TENM1: variants seen among roughly 807,000 people sequenced by gnomAD.
TENM1 encodes the protein teneurin-1.
Under a neutral mutation model 174.8 loss-of-function variants are expected in TENM1, and 35 were observed. The observed-to-expected ratio is 0.20, with a 90% CI of 0.15 to 0.27. The LOEUF is 0.27. Among genes scored for constraint, TENM1 ranks in the 10% least tolerant of loss-of-function variants. The probability of loss-of-function intolerance (pLI) is 1.00; values close to 1 mark genes in which losing one functional copy is unlikely to be tolerated. For missense variants in TENM1, 1,633 were observed against 2,130.1 expected, an observed-to-expected ratio of 0.77 and a Z score of 4.59; for synonymous variants, 781 against 798.7, an observed-to-expected ratio of 0.98 and a Z score of 0.37.
the TENM1 span, among the ~76,000 whole-genome samples, chrX:125,028,921 C>T: frequency 2.7e-5 from 3 of 111,692 alleles, no homozygotes; most frequent in Non-Finnish European, 5.6e-5. Context: ...CTAGATTTGA[C>T]ATAACTTAGT....
intron 5 of TENM1, among the ~76,000 whole-genome samples, chrX:124,682,329 A>C (rs1184375441): frequency 1.8e-5 from 2 of 111,660 alleles, no homozygotes; most frequent in Non-Finnish European, 3.8e-5. Context: ...TATAAAGGTT[A>C]GCATAAAGCA....
the TENM1 span, among the ~76,000 whole-genome samples, chrX:125,072,419 G>A: frequency 5.4e-5 from 6 of 111,529 alleles, no homozygotes; most frequent in East Asian, 1.1e-3. Flanking sequence ...GTAATTTGTC[G>A]GTAATTTATA....
intron 11 of TENM1, among the ~76,000 whole-genome samples, chrX:124,606,760 A>G (rs902730929): frequency 1.1e-4 from 12 of 111,928 alleles, no homozygotes; most frequent in African/African-American, 3.9e-4. Context: ...CTGATATACT[A>G]ATTATGTCAT....
At chrX:125,163,388 T>C in the TENM1 span, among the ~76,000 whole-genome samples, 1 of 110,447 alleles carries the variant, frequency 9.1e-6, no homozygotes, top group Admixed American at 9.8e-5. Flanking sequence ...TAGTAAATAA[T>C]CAAGACAAAT....
At chrX:124,485,044 G>A (rs1316711254) in intron 21 of TENM1, among the ~76,000 whole-genome samples, 6 of 111,261 alleles carry the variant, frequency 5.4e-5, no homozygotes, top group Non-Finnish European at 7.5e-5. Flanking sequence ...ATGGAGGGGA[G>A]AGGGTGGTGA....
At chrX:125,020,175 A>G in the TENM1 span, among the ~76,000 whole-genome samples, 1 of 111,013 alleles carries the variant, frequency 9.0e-6, no homozygotes, top group African/African-American at 3.3e-5. Flanking sequence ...TGTTTATCAC[A>G]TAGAATTTTT....
intron 3 of TENM1, among the ~76,000 whole-genome samples, chrX:124,865,489 A>C (rs1278063738): frequency 8.9e-6 from 1 of 111,826 alleles, no homozygotes; most frequent in Non-Finnish European, 1.9e-5. Flanking sequence ...CAAGCCTCAT[A>C]GTAACCTCAA....
At chrX:125,074,260 CTT>C in the TENM1 span, among the ~76,000 whole-genome samples, 3 of 102,633 alleles carry the variant, frequency 2.9e-5, no homozygotes, top group Admixed American at 1.1e-4. Context: ...ATTTTTCTTT[CTT>C]TTTTTTTTTT....
chrX:124,384,387 C>T, exon 30 of TENM1: 2 of 1,211,027 alleles, frequency 1.7e-6, no homozygotes, highest in Non-Finnish European at 2.2e-6. Context: ...CCATTCAGAT[C>T]GTAACTATAA....
chrX:125,182,388 A>T, the TENM1 span, among the ~76,000 whole-genome samples: 1 of 94,236 alleles, frequency 1.1e-5, no homozygotes, highest in African/African-American at 3.9e-5. Flanking sequence ...CCTCTTTGTC[A>T]TGTTCACATG....
intron 19 of TENM1, among the ~76,000 whole-genome samples, chrX:124,498,634 T>C (rs1051827395): frequency 2.8e-5 from 3 of 108,655 alleles, no homozygotes; most frequent in African/African-American, 1.0e-4. Flanking sequence ...TCTTGTCTGC[T>C]TGGGGAGGTT....
intron 5 of TENM1, among the ~76,000 whole-genome samples, chrX:124,681,327 TGAG>T (rs1181020969): frequency 9.0e-6 from 1 of 111,452 alleles, no homozygotes; most frequent in Non-Finnish European, 1.9e-5. Context: ...TGTGAACAGA[TGAG>T]GAGGTAGAGA....
At chrX:124,549,119 G>A (rs1253717346) in intron 14 of TENM1, among the ~76,000 whole-genome samples, 2 of 111,266 alleles carry the variant, frequency 1.8e-5, no homozygotes. Flanking sequence ...AGATTTTTTA[G>A]GGATTTTAGA....
At chrX:124,521,674 A>G (rs892442421) in intron 17 of TENM1, among the ~76,000 whole-genome samples, 1 of 112,493 alleles carries the variant, frequency 8.9e-6, no homozygotes, top group African/African-American at 3.2e-5. Context: ...CTGAAGAAAA[A>G]GCCCATCCTA....
chrX:124,459,862 TAAAC>T (rs1335077641), intron 22 of TENM1, among the ~76,000 whole-genome samples: 16 of 110,981 alleles, frequency 1.4e-4, no homozygotes, highest in African/African-American at 4.9e-4. Context: ...ATAAGGAACT[TAAAC>T]AAATTTACAA....
At chrX:124,405,075 C>T in exon 27 of TENM1, 2 of 1,211,548 alleles carry the variant, frequency 1.7e-6, no homozygotes, top group Non-Finnish European at 2.2e-6. Flanking sequence ...TTGTTTTGCT[C>T]CTTCCTCTGC....
At chrX:124,807,705 A>C (rs1444109759) in intron 3 of TENM1, among the ~76,000 whole-genome samples, 1 of 109,255 alleles carries the variant, frequency 9.2e-6, no homozygotes, top group African/African-American at 3.5e-5. Context: ...GTGCAGTAAA[A>C]GTGTAGAGTT....
chrX:124,740,456 A>C (rs1276638689), intron 3 of TENM1, among the ~76,000 whole-genome samples: 1 of 111,693 alleles, frequency 9.0e-6, no homozygotes, highest in Non-Finnish European at 1.9e-5. Context: ...TTGCAGGTAG[A>C]ATGGCTTTGT....
At chrX:124,574,091 G>A (rs1036009229) in intron 11 of TENM1, among the ~76,000 whole-genome samples, 3 of 111,862 alleles carry the variant, frequency 2.7e-5, no homozygotes, top group Non-Finnish European at 5.7e-5. Flanking sequence ...AAAAGAACAT[G>A]AAAAATATAG....
Sources: gnomAD v4.1 joint callset for allele counts (sites outside exome capture counted in the v4.1 genomes callset) on GRCh38, gnomAD v4.1.1 for gene constraint, MANE v1.5 for transcripts, NCBI Gene and HGNC (gene_info 2026-07-23, HGNC 2026-07-21) for gene names.